The following RGSL1 variants were observed in gnomAD, a reference collection of about 807,000 sequenced individuals.
RGSL1 encodes regulator of G protein signaling protein-like.
Under a neutral mutation model 124.7 loss-of-function variants are expected in RGSL1, and 97 were observed. That is an observed-to-expected ratio of 0.78 (90% CI 0.66 to 0.92). RGSL1 has a LOEUF of 0.92. Ranked by LOEUF, RGSL1 falls within the 40% of genes least tolerant of loss-of-function variation. RGSL1 has a pLI of 0.00. For missense variants in RGSL1, 1,233 were observed against 1,288.4 expected (o/e 0.96, Z 0.66); for synonymous variants, 424 against 438.1 (o/e 0.97, Z 0.40).
At position 182,527,687 on chromosome 1, in the gene RGSL1, G is replaced by A; in HGVS notation, c.2040G>A (p.Lys680=). 1 of 1,551,396 alleles carries A rather than the reference G, an allele frequency of 6.4e-7. No individual in the cohort carries two copies. The highest frequency in any genetic ancestry group is 8.7e-7 in the Non-Finnish European group (1 of 1,146,714). The change falls in exon 11 of 22, where the codon AAG becomes AAA. Residue 680 remains lysine, a synonymous_variant. Coordinates refer to ENST00000294854, the MANE Select transcript of RGSL1 (RefSeq NM_001137669.2). ...TGCAATTTCTCACAGCTGTACAGAA[G>A]ATCAGTATAGAGACCAATGAAAAGA... ...IPLQFLTAVQ[K]ISIETNEKIC...
chr1:182,532,338 C>T (rs1350267689), intron 13 of RGSL1, among the ~76,000 whole-genome samples: 1 of 152,168 alleles, frequency 6.6e-6, no homozygotes, highest in African/African-American at 2.4e-5. Context: ...CTCTTTTCTT[C>T]CAGTTTTTAG....
rs535896421 is a variant in RGSL1 at position 182,519,087 on chromosome 1, AG to A, written c.1826-2916del. ...CTTCTTATTTTAGTGACTACCATATAGATTTCCAAATGCATCCCTGACATAT... is the reference window on the plus strand; with the variant it reads ...CTTCTTATTTTAGTGACTACCATATAATTTCCAAATGCATCCCTGACATAT... On this transcript the variant is annotated intron_variant, in intron 9 of 21. Transcript: ENST00000294854. Among the ~76,000 whole-genome samples the A allele has an allele frequency of 2.7e-3, 407 of 152,172 alleles. 8 individuals are homozygous for A. The highest frequency in any genetic ancestry group is 0.024 in the Admixed American group (359 of 15,266).
chr1:182,543,136 A>G (rs10911085), intron 15 of RGSL1, among the ~76,000 whole-genome samples: 78,739 of 151,986 alleles, frequency 0.52, 20,664 homozygotes, highest in Non-Finnish European at 0.55. Context: ...TCCAGATCTT[A>G]GAGGAAAAAC....
Position 182,509,765 on chromosome 1 carries a change from G to A in RGSL1, c.1826-12239G>A, listed in dbSNP as rs1447670880. Among the ~76,000 whole-genome samples the A allele has an allele frequency of 4.9e-3, 649 of 133,376 alleles. 9 individuals are homozygous for A. The highest frequency in any genetic ancestry group is 0.018 in the African/African-American group (611 of 34,716). The allele number at this position is 133,376 out of a possible 152,430, so 87.5% of individuals were successfully genotyped here. The stretch of plus-strand genomic sequence containing the variant: ...GATGGCACGGCTGGCCGGGTGGGGG[G>A]GCTGACCCCCCACCTCCCTCCCGGA... On this transcript the variant is annotated intron_variant, in intron 9 of 21. Coordinates refer to ENST00000294854, the MANE Select transcript of RGSL1 (RefSeq NM_001137669.2).
At position 182,554,762 on chromosome 1, in the gene RGSL1, G is replaced by T. The variant is rs1019928740; in HGVS notation, c.3197+69G>T. The T allele has an allele frequency of 1.0e-5, 15 of 1,460,248 alleles. No individual in the cohort carries two copies. The African/African-American group carries it at 1.8e-4, about 18-fold the overall frequency. The allele number at this position is 1,460,248 out of a possible 1,614,324, so 90.5% of individuals were successfully genotyped here. A position where few individuals can be genotyped will look rare whatever the true frequency, so the allele number is the denominator to read the frequency against. ...ATGTCCAAGCATGCAATAGGAGATG[G>T]TATAAACTTTCCAGAGACTAGCCTC... On this transcript the variant is annotated intron_variant, in intron 20 of 21. Transcript: ENST00000294854.
intron 11 of RGSL1, among the ~76,000 whole-genome samples, chr1:182,529,534 A>C (rs1291702017): frequency 6.6e-6 from 1 of 152,220 alleles, no homozygotes; most frequent in Non-Finnish European, 1.5e-5. Context: ...GGCCAAAAGC[A>C]GAAGTTGCAA....
intron 9 of RGSL1, among the ~76,000 whole-genome samples, chr1:182,508,666 CTATTTGTTTTTT>C (rs1657035302): frequency 2.5e-5 from 1 of 39,802 alleles, no homozygotes; most frequent in Non-Finnish European, 5.5e-5. Flanking sequence ...TACCTATTGA[CTATTTGTTTTTT>C]TTTTTTTTTT....
chr1:182,469,195 T>C (rs930762552), intron 4 of RGSL1, among the ~76,000 whole-genome samples: 1 of 151,808 alleles, frequency 6.6e-6, no homozygotes, highest in Non-Finnish European at 1.5e-5. Flanking sequence ...AACTTGTGCA[T>C]CAAAAGATAC....
At chr1:182,518,397 G>T (rs1373653374) in intron 9 of RGSL1, among the ~76,000 whole-genome samples, 2 of 152,112 alleles carry the variant, frequency 1.3e-5, no homozygotes, top group Non-Finnish European at 2.9e-5. Context: ...GGCTAGCTAG[G>T]GGTTTGTGCC....
At chr1:182,557,224 C>T (rs996248595) in intron 21 of RGSL1, among the ~76,000 whole-genome samples, 1 of 152,194 alleles carries the variant, frequency 6.6e-6, no homozygotes, top group South Asian at 2.1e-4. Context: ...GACAAAAGGG[C>T]ATGAGTCTTC....
chr1:182,508,092 G>A (rs762070596), intron 9 of RGSL1, among the ~76,000 whole-genome samples: 9 of 151,814 alleles, frequency 5.9e-5, no homozygotes, highest in East Asian at 1.9e-4. Flanking sequence ...TTAATTTTCC[G>A]AGAAACCTCC....
chr1:182,482,367 C>T (rs907634509), intron 6 of RGSL1, among the ~76,000 whole-genome samples: 5 of 151,796 alleles, frequency 3.3e-5, no homozygotes, highest in Non-Finnish European at 5.9e-5. Context: ...CAACAAAATA[C>T]TGGAAGTCCT....
intron 13 of RGSL1, among the ~76,000 whole-genome samples, chr1:182,531,828 T>C (rs1250169488): frequency 6.6e-6 from 1 of 152,184 alleles, no homozygotes; most frequent in Non-Finnish European, 1.5e-5. Flanking sequence ...AAGCATTGCA[T>C]TGGGGTTTAC....
intron 9 of RGSL1, among the ~76,000 whole-genome samples, chr1:182,503,100 T>C (rs755435766): frequency 3.9e-5 from 6 of 152,150 alleles, no homozygotes; most frequent in Non-Finnish European, 7.4e-5. Context: ...AATTTGGAGA[T>C]TCCTCAAAAA....
At position 182,474,116 on chromosome 1, in the gene RGSL1, G is replaced by A. The variant is rs763318984; in HGVS notation, c.1005G>A (p.Glu335=). ...ACCTCCACATGGAAGCCCCCTTTGA[G>A]ACAAAGGTCTCTACCCACCTGAGGA... The part of the protein sequence containing the change: ...KSHLHMEAPF[E]TKVSTHLRTV... The change falls in exon 6 of 22, where the codon GAG becomes GAA. Residue 335 remains glutamate (E), a synonymous_variant. Coordinates refer to ENST00000294854, the MANE Select transcript of RGSL1 (RefSeq NM_001137669.2). The A allele has an allele frequency of 6.4e-7, 1 of 1,551,916 alleles. No individual in the cohort carries two copies. The highest frequency in any genetic ancestry group is 2.4e-5 in the East Asian group (1 of 40,926).
chr1:182,553,106 G>A (rs563270735), intron 18 of RGSL1, among the ~76,000 whole-genome samples: 14 of 152,192 alleles, frequency 9.2e-5, no homozygotes, highest in South Asian at 2.1e-4. Context: ...GTTTTGCCAC[G>A]TTGGTCAGGC....
chr1:182,455,612 T>C (rs114134540), intron 2 of RGSL1, among the ~76,000 whole-genome samples: 1,526 of 149,380 alleles, frequency 0.01, 30 homozygotes, highest in African/African-American at 0.036. Flanking sequence ...AGAATAAAAA[T>C]AGGAGGAAAA....
At chr1:182,506,360 G>A (rs771435531) in intron 9 of RGSL1, among the ~76,000 whole-genome samples, 1 of 152,122 alleles carries the variant, frequency 6.6e-6, no homozygotes. Context: ...TCAGTTAAAA[G>A]AGACATTACT....
intron 3 of RGSL1, 61 bp from the exon 4 acceptor site, chr1:182,459,943 G>A: frequency 6.6e-7 from 1 of 1,523,710 alleles, no homozygotes; most frequent in Non-Finnish European, 8.8e-7. Context: ...TTACTAAGTT[G>A]TATTTTTTTA....
Sources: allele counts gnomAD v4.1 joint callset (sites outside exome capture counted in the v4.1 genomes callset), GRCh38; gene constraint gnomAD v4.1.1; transcripts MANE v1.5; gene names NCBI Gene and HGNC (gene_info 2026-07-23, HGNC 2026-07-21).